The following CORIN variants were observed in gnomAD, a reference collection of about 807,000 sequenced individuals.
CORIN encodes corin, serine peptidase, also known as atrial natriuretic peptide-converting enzyme.
A neutral mutation model predicts 125.3 loss-of-function variants in CORIN; 117 were observed. The observed-to-expected ratio is 0.93, with a 90% CI of 0.80 to 1.09. The LOEUF (loss-of-function observed/expected upper bound fraction) is 1.09. Ranked by LOEUF, CORIN falls within the 50% of genes least tolerant of loss-of-function variation. The pLI is 0.00. For synonymous variants in CORIN, 450 were observed against 466.4 expected (o/e 0.96, Z 0.45); for missense variants, 1,253 against 1,306.7 (o/e 0.96, Z 0.63).
At chr4:47,678,150 A>G in intron 8 of CORIN, 96 bp from the exon 9 acceptor site, 1 of 855,176 alleles carries the variant, frequency 1.2e-6, no homozygotes, top group South Asian at 1.4e-5. Flanking sequence ...AGCATCGCTA[A>G]GAAACAAGGT....
At chr4:47,657,355 A>T (rs182476161) in intron 12 of CORIN, among the ~76,000 whole-genome samples, 2 of 152,058 alleles carry the variant, frequency 1.3e-5, no homozygotes, top group East Asian at 3.9e-4. Flanking sequence ...AACACAGTAA[A>T]ACCCCATCTC....
At chr4:47,673,681 C>G (rs936688777) in intron 10 of CORIN, among the ~76,000 whole-genome samples, 2 of 152,188 alleles carry the variant, frequency 1.3e-5, no homozygotes, top group Non-Finnish European at 2.9e-5. Context: ...CCGTTTGGAG[C>G]TGTTACACTG....
intron 4 of CORIN, among the ~76,000 whole-genome samples, chr4:47,747,222 G>A (rs115641047): frequency 0.031 from 4,674 of 152,042 alleles, 250 homozygotes; most frequent in African/African-American, 0.11. Context: ...TCTCAATTAA[G>A]CTTTTAAATA....
At chr4:47,699,336 T>C (rs1041575817) in intron 5 of CORIN, among the ~76,000 whole-genome samples, 3 of 152,206 alleles carry the variant, frequency 2.0e-5, no homozygotes, top group Admixed American at 2.0e-4. Flanking sequence ...ACTCTCTTCT[T>C]AGACATCTAT....
intron 16 of CORIN, among the ~76,000 whole-genome samples, chr4:47,641,144 T>G (rs1723214257): frequency 6.6e-6 from 1 of 152,180 alleles, no homozygotes; most frequent in Admixed American, 6.5e-5. Flanking sequence ...CATAACTGCA[T>G]GACTCATTAT....
In CORIN at chr4:47,793,118, T is replaced by G. The variant is rs140373525; in HGVS notation, c.209-6193A>C. On this transcript the variant is annotated intron_variant, in intron 2 of 21. Coordinates refer to ENST00000273857, the MANE Select transcript of CORIN (RefSeq NM_006587.4). ...GGGAAAAAGCCCAAATCTGAAGCAA[T>G]CTGATGATTTCCTCCAGATGCCTCA... Among the ~76,000 whole-genome samples, 1,120 of 152,202 alleles carry G rather than the reference T, an allele frequency of 7.4e-3. 11 individuals carry two copies. Among genetic ancestry groups the G allele is most frequent in the African/African-American group, 0.025 (1,057 of 41,524 alleles).
intron 21 of CORIN, among the ~76,000 whole-genome samples, chr4:47,597,219 G>A (rs1721288319): frequency 6.6e-6 from 1 of 152,122 alleles, no homozygotes; most frequent in Non-Finnish European, 1.5e-5. Context: ...AGGTGTGGTT[G>A]TGGAAACCTG....
intron 13 of CORIN, among the ~76,000 whole-genome samples, chr4:47,647,173 C>CTTGAGAT (rs573729786): frequency 1.6e-3 from 241 of 152,202 alleles, no homozygotes; most frequent in African/African-American, 5.5e-3. Flanking sequence ...ATAAGAGTCT[C>CTTGAGAT]TTGAGATTTG....
At chr4:47,644,155 C>T (rs578031830) in intron 14 of CORIN, among the ~76,000 whole-genome samples, 4 of 152,304 alleles carry the variant, frequency 2.6e-5, no homozygotes, top group Non-Finnish European at 5.9e-5. Context: ...AGACTCCTGA[C>T]GGCTAGCTGT....
intron 1 of CORIN, among the ~76,000 whole-genome samples, chr4:47,832,325 C>T (rs1733064055): frequency 1.3e-5 from 2 of 152,048 alleles, no homozygotes; most frequent in Admixed American, 1.3e-4. Context: ...ACGTAAGAGA[C>T]CTCAACAAAC....
Position 47,701,107 on chromosome 4 carries a change from C to G in CORIN, c.800-8024G>C, listed in dbSNP as rs561114867. 3.3e-5 allele frequency among the ~76,000 whole-genome samples: 5 copies of G among 152,276 alleles called. No homozygotes were observed. The South Asian group carries it at 1.0e-3, about 32-fold the overall frequency. On this transcript the variant is annotated intron_variant, in intron 5 of 21. Coordinates refer to ENST00000273857, the MANE Select transcript of CORIN (RefSeq NM_006587.4). ...CTGCTGAATAAATGCACTTAAGGAG[C>G]TCTTAACATCAATATTCTAAAAAAG...
chr4:47,753,276 G>A (rs1424415944), intron 4 of CORIN, among the ~76,000 whole-genome samples: 2 of 152,128 alleles, frequency 1.3e-5, no homozygotes, highest in Non-Finnish European at 2.9e-5. Context: ...ACAAGGCAAA[G>A]GGCAAAGCAA....
intron 5 of CORIN, chr4:47,706,241 T>C: frequency 1.6e-6 from 1 of 620,216 alleles, no homozygotes; most frequent in South Asian, 2.0e-5. Context: ...AATGAAATTC[T>C]TCACAGCTGT....
chr4:47,622,918 A>C, intron 19 of CORIN, among the ~76,000 whole-genome samples: 1 of 151,736 alleles, frequency 6.6e-6, no homozygotes. Flanking sequence ...TCAAGTGATC[A>C]CTCTTCCTCG....
chr4:47,599,788 G>T (rs747736384), intron 21 of CORIN, among the ~76,000 whole-genome samples: 102 of 152,274 alleles, frequency 6.7e-4, no homozygotes, highest in Non-Finnish European at 1.0e-3. Context: ...GGGTGTTGAT[G>T]TGTGGCTTCC....
chr4:47,634,041 T>A (rs951516775), intron 16 of CORIN, among the ~76,000 whole-genome samples: 4 of 152,184 alleles, frequency 2.6e-5, no homozygotes, highest in Admixed American at 6.5e-5. Context: ...ATCGGCATTT[T>A]AAAAATGCCT....
intron 5 of CORIN, among the ~76,000 whole-genome samples, chr4:47,732,565 CTTT>C (rs35277149): frequency 2.9e-5 from 4 of 138,136 alleles, no homozygotes; most frequent in Admixed American, 7.3e-5. Context: ...GTAATCTACT[CTTT>C]TTTTTTTTTT....
chr4:47,614,304 G>A (rs971629146), intron 19 of CORIN, among the ~76,000 whole-genome samples: 67 of 151,978 alleles, frequency 4.4e-4, no homozygotes, highest in South Asian at 2.1e-4. Flanking sequence ...CAAGTGATTC[G>A]CCTGCCTCAG....
chr4:47,736,019 C>T (rs931595105), intron 5 of CORIN, among the ~76,000 whole-genome samples: 4 of 148,828 alleles, frequency 2.7e-5, no homozygotes, highest in Non-Finnish European at 5.9e-5. Context: ...TTTTGAGCAA[C>T]AGTGTTACAT....
Sources: allele counts gnomAD v4.1 joint callset (sites outside exome capture counted in the v4.1 genomes callset), GRCh38; gene constraint gnomAD v4.1.1; transcripts MANE v1.5; gene names NCBI Gene and HGNC (gene_info 2026-07-23, HGNC 2026-07-21).